The following OR2Z1 variants were observed in gnomAD, a reference collection of about 807,000 sequenced individuals.
The protein encoded by OR2Z1 is olfactory receptor family 2 subfamily Z member 1, also known as olfactory receptor 2Z1.
For synonymous variants in OR2Z1, 188 were observed against 160.6 expected (o/e 1.17, Z -1.29); for missense variants, 449 against 401.8 (o/e 1.12, Z -1.00).
chr19:8,722,271 T>G (rs2145073655), intron 1 of OR2Z1, among the ~76,000 whole-genome samples: 2 of 150,762 alleles, frequency 1.3e-5, no homozygotes, highest in Middle Eastern at 3.5e-3. Context: ...GAATATAATA[T>G]AAGAGAATGT....
Position 8,731,070 on chromosome 19 carries a change from G to C in OR2Z1, c.42G>C (p.Leu14=), listed in dbSNP as rs201725132. 3 of 1,614,004 alleles carry C rather than the reference G, an allele frequency of 1.9e-6. No individual in the cohort carries two copies. The African/African-American group carries it at 4.0e-5, about 22-fold the overall frequency. Residue 14 remains leucine (L), a synonymous_variant, in exon 3 of 3, where the codon CTG becomes CTC. Transcript: ENST00000641125. ...AGTCGGTGGCCTCAGACTTCATTCT[G>C]GTGGGCCTCTTCAGTCACTCAGGAT... ...VNQSVASDFI[L]VGLFSHSGSR...
intron 2 of OR2Z1, among the ~76,000 whole-genome samples, chr19:8,729,412 T>G (rs1387399499): frequency 9.2e-5 from 3 of 32,434 alleles, no homozygotes; most frequent in Non-Finnish European, 1.8e-4. Context: ...AATGAACAGG[T>G]TTTTTTTTTT....
Position 8,730,888 on chromosome 19 carries a change from C to T in OR2Z1, c.-141C>T. 1 of 644,364 alleles carries T rather than the reference C, an allele frequency of 1.6e-6. No homozygotes were observed. The highest frequency in any genetic ancestry group is 1.9e-5 in the South Asian group (1 of 51,750). 39.9% of individuals were successfully genotyped at this position (644,364 alleles called of 1,614,324 possible). A position where few individuals can be genotyped will look rare whatever the true frequency, so the allele number is the denominator to read the frequency against. ...ACTGATTCTAGCTGCAGCCTCATTA[C>T]TCTTCTCAAGACACCATCCCAGGAA... On this transcript the variant is annotated 5_prime_UTR_variant, in exon 3 of 3. Transcript: ENST00000641125.
In OR2Z1 at chr19:8,731,585, A is replaced by G. The variant is rs782139472; in HGVS notation, c.557A>G (p.Lys186Arg). ...HFFCEVPALLKLSCADTCAYE... is the reference protein window; with the variant it reads ...HFFCEVPALLRLSCADTCAYE... ...TTCTGTGAGGTGCCAGCCCTACTGA[A>G]GCTCTCCTGTGCAGATACCTGTGCC... Residue 186 changes from lysine to arginine, a missense_variant, in exon 3 of 3, where the codon AAG (lysine) becomes AGG (arginine). Transcript: ENST00000641125. 6.2e-6 allele frequency: 10 copies of G among 1,613,774 alleles called. No homozygotes were observed. In the Admixed American group the frequency reaches 1.7e-4, roughly 27 times the overall value.
chr19:8,722,466 C>A lies in OR2Z1; in HGVS notation c.-215+424C>A, dbSNP rs73489509. On this transcript the variant is annotated intron_variant, in intron 1 of 2. Transcript: ENST00000641125. Reference sequence around the variant, plus strand: ...TGGTCACTCAGTGTCAGCAAAGGGACCACTCTAGACCCACATTTTGGCATC... The same window carrying A: ...TGGTCACTCAGTGTCAGCAAAGGGAACACTCTAGACCCACATTTTGGCATC... Among the ~76,000 whole-genome samples, 264 of 152,154 alleles carry A rather than the reference C, an allele frequency of 1.7e-3. 1 individual carries two copies. Among genetic ancestry groups the A allele is most frequent in the African/African-American group, 5.7e-3 (235 of 41,498 alleles).
At chr19:8,728,128 C>CT (rs1424804112) in intron 2 of OR2Z1, among the ~76,000 whole-genome samples, 1 of 152,208 alleles carries the variant, frequency 6.6e-6, no homozygotes, top group African/African-American at 2.4e-5. Context: ...TAGCATGCTT[C>CT]TTAACCATCC....
intron 2 of OR2Z1, among the ~76,000 whole-genome samples, chr19:8,724,715 A>G (rs1163864939): frequency 1.3e-5 from 2 of 152,064 alleles, no homozygotes; most frequent in African/African-American, 4.8e-5. Context: ...GACCACCTTC[A>G]ATTATCCACC....
In OR2Z1 at chr19:8,731,491, A is replaced by G. The variant is rs782043331; in HGVS notation, c.463A>G (p.Asn155Asp). 9.3e-6 allele frequency: 15 copies of G among 1,613,926 alleles called. No individual in the cohort carries two copies. The South Asian group carries it at 1.5e-4, about 17-fold the overall frequency. ...CTCCTCCTGGGTGGTAGGTGTGCTC[A>G]ACGCCTCCATCCAGACCTCCATCAC... ...MGSSWVVGVL[N>D]ASIQTSITLH... The change falls in exon 3 of 3, where the codon AAC becomes GAC. Residue 155 changes from asparagine to aspartate, a missense_variant. By Grantham distance (23) the Asn-to-Asp change is conservative. Coordinates refer to ENST00000641125, the MANE Select transcript of OR2Z1 (RefSeq NM_001004699.3).
rs191798018 is a variant in OR2Z1 at position 8,731,766 on chromosome 19, G to C, written c.738G>C (p.Thr246=). 29 of 1,614,222 alleles carry C rather than the reference G, an allele frequency of 1.8e-5. No homozygotes were observed. The East Asian group carries it at 6.5e-4, about 36-fold the overall frequency. The part of the protein sequence containing the change: ...KAVTTCSSHI[T]VVGLFYGAAV... ...TCACCACCTGCTCCTCGCACATCAC[G>C]GTAGTGGGGCTCTTTTATGGTGCCG... The change falls in exon 3 of 3, where the codon ACG becomes ACC. Residue 246 remains threonine, a synonymous_variant. Coordinates refer to ENST00000641125, the MANE Select transcript of OR2Z1 (RefSeq NM_001004699.3).
chr19:8,725,130 G>T (rs782040505), intron 2 of OR2Z1, among the ~76,000 whole-genome samples: 21 of 152,046 alleles, frequency 1.4e-4, no homozygotes, highest in Non-Finnish European at 2.8e-4. Context: ...TTATTAAATT[G>T]CTCATCAGAC....
chr19:8,731,696 A>C lies in OR2Z1; in HGVS notation c.668A>C (p.Gln223Pro). The C allele has an allele frequency of 2.5e-6, 4 of 1,613,938 alleles. No individual in the cohort carries two copies. Among genetic ancestry groups the C allele is most frequent in the Non-Finnish European group, 3.4e-6 (4 of 1,180,002 alleles). The change falls in exon 3 of 3, where the codon CAG becomes CCG. Residue 223 changes from glutamine to proline, a missense_variant. Coordinates refer to ENST00000641125, the MANE Select transcript of OR2Z1 (RefSeq NM_001004699.3). ...GCCACCTCCTACGGCCACGTGTTGC[A>C]GGCTGTTCTAAGCATGCGCTCAGAG... is the stretch of plus-strand genomic sequence containing the variant. ...LIATSYGHVL[Q>P]AVLSMRSEEA...
At chr19:8,728,318 T>C (rs1555756367) in intron 2 of OR2Z1, among the ~76,000 whole-genome samples, 1 of 152,216 alleles carries the variant, frequency 6.6e-6, no homozygotes, top group African/African-American at 2.4e-5. Context: ...CTTGTTCACC[T>C]CATTCACTCA....
chr19:8,722,659 G>C (rs1367982322), intron 1 of OR2Z1, among the ~76,000 whole-genome samples: 1 of 152,152 alleles, frequency 6.6e-6, no homozygotes, highest in African/African-American at 2.4e-5. Flanking sequence ...CTGACTGTGG[G>C]GCAGCAGGTG....
intron 2 of OR2Z1, among the ~76,000 whole-genome samples, chr19:8,727,595 A>G (rs1322257264): frequency 6.6e-6 from 1 of 152,184 alleles, no homozygotes; most frequent in Non-Finnish European, 1.5e-5. Context: ...GGACGGGCAC[A>G]GTGGCTCACG....
rs782413399 is a variant in OR2Z1, at chr19:8,731,484, T to C, written c.456T>C (p.Gly152=). The change falls in exon 3 of 3, where the codon GGT becomes GGC. Residue 152 remains glycine (G), a synonymous_variant. Transcript: ENST00000641125. ...TGATGGGCTCCTCCTGGGTGGTAGG[T>C]GTGCTCAACGCCTCCATCCAGACCT... The part of the protein sequence containing the change: ...LLMMGSSWVV[G]VLNASIQTSI... The C allele has an allele frequency of 1.4e-5, 23 of 1,613,884 alleles. No individual in the cohort carries two copies. The highest frequency in any genetic ancestry group is 1.8e-5 in the Non-Finnish European group (21 of 1,180,004).
Position 8,730,910 on chromosome 19 carries a change from G to A in OR2Z1, c.-119G>A, listed in dbSNP as rs2043349667. 1.4e-6 allele frequency: 1 copy of A among 732,558 alleles called. No homozygotes were observed. Among genetic ancestry groups the A allele is most frequent in the Non-Finnish European group, 2.3e-6 (1 of 440,486 alleles). 45.4% of individuals were successfully genotyped at this position (732,558 alleles called of 1,614,324 possible). A position where few individuals can be genotyped will look rare whatever the true frequency, so the allele number is the denominator to read the frequency against. On this transcript the variant is annotated 5_prime_UTR_variant, in exon 3 of 3. Coordinates refer to ENST00000641125, the MANE Select transcript of OR2Z1 (RefSeq NM_001004699.3). ...TTACTCTTCTCAAGACACCATCCCA[G>A]GAAGCCACTACCAATCAATGATGAT...
chr19:8,730,307 T>G (rs1488565140), intron 2 of OR2Z1, among the ~76,000 whole-genome samples: 3 of 152,210 alleles, frequency 2.0e-5, no homozygotes, highest in African/African-American at 7.2e-5. Context: ...TTCAGTTTCA[T>G]CATCCCGTTT....
At chr19:8,730,534 G>C (rs141361464) in intron 2 of OR2Z1, among the ~76,000 whole-genome samples, 145,416 of 152,124 alleles carry the variant, frequency 0.96, 69,546 homozygotes, top group East Asian at 1. Context: ...ATTCTCCTGT[G>C]TCAGCCTCCT....
In OR2Z1 at chr19:8,730,974, G is replaced by T; in HGVS notation, c.-55G>T. ...GAAAATTATTTGCCACCCCATGCAG[G>T]CTTCTTGCCATAGTTCAGCTGTTCT... On this transcript the variant is annotated 5_prime_UTR_variant, in exon 3 of 3. Transcript: ENST00000641125. The T allele has an allele frequency of 6.9e-7, 1 of 1,441,220 alleles. No homozygotes were observed. Among genetic ancestry groups the T allele is most frequent in the Non-Finnish European group, 9.6e-7 (1 of 1,038,076 alleles). The allele number at this position is 1,441,220 out of a possible 1,614,324, so 89.3% of individuals were successfully genotyped here. A position where few individuals can be genotyped will look rare whatever the true frequency, so the allele number is the denominator to read the frequency against.
Sources: allele counts gnomAD v4.1 joint callset (sites outside exome capture counted in the v4.1 genomes callset), GRCh38; gene constraint gnomAD v4.1.1; transcripts MANE v1.5; gene names NCBI Gene and HGNC (gene_info 2026-07-23, HGNC 2026-07-21).